The following PTPRZ1 variants were observed in gnomAD, a reference collection of about 807,000 sequenced individuals.
PTPRZ1 encodes the protein receptor-type tyrosine-protein phosphatase zeta.
Under a neutral mutation model 214.1 loss-of-function variants are expected in PTPRZ1, and 82 were observed. That is an observed-to-expected ratio of 0.38 (90% CI 0.32 to 0.46). PTPRZ1 has a LOEUF of 0.46. Ranked by LOEUF, PTPRZ1 falls within the 20% of genes least tolerant of loss-of-function variation. The pLI, the probability that PTPRZ1 is intolerant of heterozygous loss-of-function variation, is 1.00. For missense variants in PTPRZ1, 2,603 were observed against 2,748.7 expected, an observed-to-expected ratio of 0.95 and a Z score of 1.19; for synonymous variants, 945 against 987.9, an observed-to-expected ratio of 0.96 and a Z score of 0.81.
At chr7:122,045,594 G>A (rs1016196548) in intron 23 of PTPRZ1, among the ~76,000 whole-genome samples, 2 of 151,674 alleles carry the variant, frequency 1.3e-5, no homozygotes, top group Admixed American at 1.3e-4. Context: ...AATGCCTTAG[G>A]GGGGAAAAGA....
At chr7:122,057,643 T>C (rs1792399041) in intron 27 of PTPRZ1, among the ~76,000 whole-genome samples, 1 of 83,814 alleles carries the variant, frequency 1.2e-5, no homozygotes, top group African/African-American at 8.6e-5. Context: ...TTCTTTGTGA[T>C]TCTTTTTTTT....
chr7:121,922,374 T>C (rs1795625698), intron 1 of PTPRZ1, among the ~76,000 whole-genome samples: 1 of 152,104 alleles, frequency 6.6e-6, no homozygotes, highest in Non-Finnish European at 1.5e-5. Context: ...CTGGCCAACA[T>C]GGTGAAACCC....
chr7:122,040,851 C>G lies in PTPRZ1; in HGVS notation c.5673C>G (p.Val1891=). 6.3e-7 allele frequency: 1 copy of G among 1,590,426 alleles called. No individual in the cohort carries two copies. The highest frequency in any genetic ancestry group is 8.6e-7 in the Non-Finnish European group (1 of 1,164,346). The change falls in exon 21 of 30, where the codon GTC becomes GTG. Residue 1891 remains valine (V), a synonymous_variant. Transcript: ENST00000393386. ...AAGGAAGACCCAGTGGACGTGTGGT[C>G]ACACAGTATCACTACACGCAGTGGC... The part of the protein sequence containing the change: ...SQKGRPSGRV[V]TQYHYTQWPD...
intron 1 of PTPRZ1, among the ~76,000 whole-genome samples, chr7:121,892,449 T>C (rs1400680115): frequency 6.6e-6 from 1 of 151,860 alleles, no homozygotes; most frequent in African/African-American, 2.4e-5. Flanking sequence ...ACTTAGTACC[T>C]GCCTGGTAAA....
chr7:121,879,448 G>A (rs1036223112), intron 1 of PTPRZ1, among the ~76,000 whole-genome samples: 3 of 152,160 alleles, frequency 2.0e-5, no homozygotes, highest in African/African-American at 7.2e-5. Flanking sequence ...TATCATATTG[G>A]TTTAAGTCTT....
At position 122,051,848 on chromosome 7, in the gene PTPRZ1, G is replaced by T; in HGVS notation, c.6179-18G>T. The T allele has an allele frequency of 6.2e-7, 1 of 1,603,870 alleles. No individual in the cohort carries two copies. Among genetic ancestry groups the T allele is most frequent in the Non-Finnish European group, 8.5e-7 (1 of 1,171,566 alleles). ...GTTTTGTTTTGTTTTGTTTTACAAT[G>T]AATGTTCTGTGTTCCAGTGGAAAGA... On this transcript the variant is annotated intron_variant, in intron 24 of 29. Coordinates refer to ENST00000393386, the MANE Select transcript of PTPRZ1 (RefSeq NM_002851.3).
chr7:122,061,357 G>T lies in PTPRZ1; in HGVS notation c.*137G>T, dbSNP rs566838536. 2.6e-6 allele frequency: 2 copies of T among 778,470 alleles called. No individual in the cohort carries two copies. The highest frequency in any genetic ancestry group is 3.6e-5 in the African/African-American group (2 of 56,040). The allele number at this position is 778,470 out of a possible 1,614,324, so 48.2% of individuals were successfully genotyped here. On this transcript the variant is annotated 3_prime_UTR_variant, in exon 30 of 30. Transcript: ENST00000393386. The stretch of plus-strand genomic sequence containing the variant: ...AACTTTCATGACATAGGATTCTGCC[G>T]CCAAATTTATATCATTAACAATGTG...
At chr7:122,025,140 G>A (rs1262688210) in intron 13 of PTPRZ1, among the ~76,000 whole-genome samples, 1 of 151,922 alleles carries the variant, frequency 6.6e-6, no homozygotes, top group African/African-American at 2.4e-5. Context: ...ATAAAATCAA[G>A]AGATACGGCC....
rs757378069 is a variant in PTPRZ1, at chr7:122,013,741, C to T, written c.4695C>T (p.Ser1565=). 3.7e-6 allele frequency: 6 copies of T among 1,614,168 alleles called. No homozygotes were observed. The highest frequency in any genetic ancestry group is 5.1e-6 in the Non-Finnish European group (6 of 1,180,036). ...TSDSLNENET[S]TDFSFADTNE... The stretch of plus-strand genomic sequence containing the variant: ...ATAGCCTTAATGAGAATGAGACTTC[C>T]ACAGATTTCAGTTTTGCAGACACTA... The change falls in exon 12 of 30, where the codon TCC becomes TCT. Residue 1565 remains serine, a synonymous_variant. Transcript: ENST00000393386.
At chr7:121,964,760 T>C (rs1344589040) in intron 2 of PTPRZ1, among the ~76,000 whole-genome samples, 8 of 152,202 alleles carry the variant, frequency 5.3e-5, no homozygotes, top group Admixed American at 4.6e-4. Flanking sequence ...CTCCTGTAGA[T>C]GCTTTTGAGG....
chr7:121,979,971 T>C (rs903844433), intron 6 of PTPRZ1, among the ~76,000 whole-genome samples: 11 of 152,138 alleles, frequency 7.2e-5, no homozygotes, highest in African/African-American at 2.2e-4. Context: ...GTGACTGCTA[T>C]TGAGGTCCAG....
chr7:121,935,654 G>A (rs539878574), intron 2 of PTPRZ1, among the ~76,000 whole-genome samples: 3 of 152,036 alleles, frequency 2.0e-5, no homozygotes, highest in Non-Finnish European at 4.4e-5. Flanking sequence ...TGCAATCTCC[G>A]CCTCCCAGGT....
chr7:121,880,492 G>C (rs1022340198), intron 1 of PTPRZ1, among the ~76,000 whole-genome samples: 5 of 152,128 alleles, frequency 3.3e-5, no homozygotes, highest in Admixed American at 3.3e-4. Flanking sequence ...GTTACTGACT[G>C]AACTGCCTAT....
At chr7:121,967,389 A>G (rs1797077029) in intron 2 of PTPRZ1, among the ~76,000 whole-genome samples, 2 of 152,214 alleles carry the variant, frequency 1.3e-5, no homozygotes, top group South Asian at 4.1e-4. Flanking sequence ...AAATTAAACC[A>G]AATCTTTCAA....
chr7:121,914,678 A>C (rs1795367475), intron 1 of PTPRZ1, among the ~76,000 whole-genome samples: 1 of 152,174 alleles, frequency 6.6e-6, no homozygotes, highest in South Asian at 2.1e-4. Context: ...ATGGTATTTT[A>C]AAGACCAAAA....
chr7:121,896,458 G>A (rs977050009), intron 1 of PTPRZ1, among the ~76,000 whole-genome samples: 1 of 152,060 alleles, frequency 6.6e-6, no homozygotes, highest in Non-Finnish European at 1.5e-5. Flanking sequence ...GTCCATTAAT[G>A]GATGAATGGA....
intron 1 of PTPRZ1, 66 bp downstream of exon 1, chr7:121,873,623 A>T: frequency 6.3e-7 from 1 of 1,575,658 alleles, no homozygotes; most frequent in East Asian, 2.2e-5. Flanking sequence ...GGAGCATTTC[A>T]GCGTGTCCGC....
At chr7:121,916,399 G>T (rs1007237958) in intron 1 of PTPRZ1, among the ~76,000 whole-genome samples, 2 of 152,152 alleles carry the variant, frequency 1.3e-5, no homozygotes, top group African/African-American at 4.8e-5. Context: ...AATGCCAGCA[G>T]AGTCCTGGCC....
chr7:121,916,135 G>C (rs1356858462), intron 1 of PTPRZ1, among the ~76,000 whole-genome samples: 1 of 151,962 alleles, frequency 6.6e-6, no homozygotes, highest in Admixed American at 6.6e-5. Context: ...TTAACTGGGC[G>C]TCATGGTGTG....
Sources: allele counts gnomAD v4.1 joint callset (sites outside exome capture counted in the v4.1 genomes callset), GRCh38; gene constraint gnomAD v4.1.1; transcripts MANE v1.5; gene names NCBI Gene and HGNC (gene_info 2026-07-23, HGNC 2026-07-21).